Variants in MPZL3 observed in about 807,000 individuals in gnomAD.
MPZL3 encodes the protein myelin protein zero like 3.
A neutral mutation model predicts 24.8 loss-of-function variants in MPZL3; 23 were observed. The observed-to-expected ratio is 0.93, with a 90% CI of 0.67 to 1.31. The LOEUF (loss-of-function observed/expected upper bound fraction) is 1.31, where lower values mean the gene tolerates loss of function less well. MPZL3 is among the 40% of genes most tolerant of loss of function. The probability of loss-of-function intolerance (pLI) is 0.00; values close to 1 mark genes in which losing one functional copy is unlikely to be tolerated. For synonymous variants in MPZL3, 99 were observed against 106.5 expected (o/e 0.93, Z 0.44); for missense variants, 277 against 294.9 (o/e 0.94, Z 0.44).
intron 1 of MPZL3, among the ~76,000 whole-genome samples, chr11:118,246,585 C>CTTTTTTTTTTTTTTTTTTTTTTTT (rs71301655): frequency 1.6e-5 from 2 of 123,282 alleles, no homozygotes; most frequent in African/African-American, 6.5e-5. Context: ...TTTTTCTTTT[C>CTTTTTTTTTTTTTTTTTTTTTTTT]TTTTTTTTTT....
rs747927375 is a variant in MPZL3 at position 118,235,525 on chromosome 11, C to A, written c.516G>T (p.Val172=). 6.2e-7 allele frequency: 1 copy of A among 1,613,970 alleles called. No individual in the cohort carries two copies. Among genetic ancestry groups the A allele is most frequent in the Non-Finnish European group, 8.5e-7 (1 of 1,179,946 alleles). Residue 172 remains valine (V), a synonymous_variant, in exon 4 of 6, where the codon GTG becomes GTT. Transcript: ENST00000278949. ...TTCTCACCAGCAGCAGAGCAACCAC[C>A]ACGGCTGAGGGCACAAAGACAAGGA... ...LSILVFVPSA[V]VVALLLVRMG...
chr11:118,239,723 T>A (rs1949469674), intron 2 of MPZL3, among the ~76,000 whole-genome samples: 1 of 152,170 alleles, frequency 6.6e-6, no homozygotes, highest in Admixed American at 6.5e-5. Flanking sequence ...TATAAATCAA[T>A]GCAGATGTTT....
intron 1 of MPZL3, 55 bp downstream of exon 1, chr11:118,252,167 C>G: frequency 1.3e-6 from 2 of 1,589,150 alleles, no homozygotes; most frequent in Non-Finnish European, 1.7e-6. Context: ...GGAAAAGCGA[C>G]CATCTTCCCT....
At chr11:118,232,827 A>G (rs10790246) in intron 5 of MPZL3, among the ~76,000 whole-genome samples, 2 of 151,948 alleles carry the variant, frequency 1.3e-5, no homozygotes, top group African/African-American at 4.8e-5. Flanking sequence ...GGTATGTATC[A>G]TATGAGATCA....
rs1949275915 is a variant in MPZL3, at chr11:118,226,707, G to A, written c.*3187C>T. 1 of 152,158 alleles carries A rather than the reference G, an allele frequency of 6.6e-6. No homozygotes were observed. 9.4% of individuals were successfully genotyped at this position (152,158 alleles called of 1,614,324 possible). The stretch of plus-strand genomic sequence containing the variant: ...CCAAAAGGTAGCCAAAGGGTACAAA[G>A]AAGTTTATTGACTATGATGCAGTAA... On this transcript the variant is annotated 3_prime_UTR_variant, in exon 6 of 6. Coordinates refer to ENST00000278949, the MANE Select transcript of MPZL3 (RefSeq NM_198275.3).
At chr11:118,243,200 G>A (rs958821760) in intron 1 of MPZL3, among the ~76,000 whole-genome samples, 2 of 152,104 alleles carry the variant, frequency 1.3e-5, no homozygotes, top group Non-Finnish European at 1.5e-5. Flanking sequence ...ACGTTTAACT[G>A]GCCTTGCTTA....
Position 118,229,924 on chromosome 11 carries a change from G to C in MPZL3, c.682-4C>G, listed in dbSNP as rs1949328802. 1.2e-6 allele frequency: 2 copies of C among 1,612,986 alleles called. No homozygotes were observed. Among genetic ancestry groups the C allele is most frequent in the African/African-American group, 2.7e-5 (2 of 74,972 alleles). ...ATGTCTCTTCATAGTCTGAATCCTG[G>C]AGGGAGCAAAACAGCAGGTGTGAAA... On this transcript the variant is annotated splice_polypyrimidine_tract_variant and splice_region_variant and intron_variant, in intron 5 of 5. Transcript: ENST00000278949.
At chr11:118,247,146 C>T (rs1482488573) in intron 1 of MPZL3, among the ~76,000 whole-genome samples, 4 of 152,092 alleles carry the variant, frequency 2.6e-5, no homozygotes, top group African/African-American at 9.7e-5. Context: ...CAATGCCTCC[C>T]GTTGGCCAAA....
intron 1 of MPZL3, among the ~76,000 whole-genome samples, chr11:118,242,673 C>G (rs572508818): frequency 8.5e-5 from 13 of 152,340 alleles, no homozygotes; most frequent in African/African-American, 3.1e-4. Flanking sequence ...TTGTTCCCCA[C>G]CACACCATAT....
rs1449442412 is a variant in MPZL3 at position 118,239,302 on chromosome 11, G to T, written c.240+909C>A. On this transcript the variant is annotated intron_variant, in intron 2 of 5. Transcript: ENST00000278949. ...GAATACAGCCTAGCTTCTTTCACTGGAGTCCCCTACCTAGCCTCAAGCTAT... is the reference window on the plus strand; with the variant it reads ...GAATACAGCCTAGCTTCTTTCACTGTAGTCCCCTACCTAGCCTCAAGCTAT... Among the ~76,000 whole-genome samples the T allele has an allele frequency of 2.0e-5, 3 of 152,128 alleles. No homozygotes were observed. The East Asian group carries it at 5.8e-4, about 29-fold the overall frequency.
chr11:118,235,956 G>A (rs1006747377), intron 3 of MPZL3, among the ~76,000 whole-genome samples: 9 of 151,894 alleles, frequency 5.9e-5, no homozygotes, highest in Admixed American at 3.9e-4. Context: ...ATGTGTAATC[G>A]CTGCATAGCA....
At chr11:118,230,332 T>C (rs1949334608) in intron 5 of MPZL3, among the ~76,000 whole-genome samples, 1 of 152,218 alleles carries the variant, frequency 6.6e-6, no homozygotes, top group Non-Finnish European at 1.5e-5. Context: ...CCACCTCTTG[T>C]GGCTGTGTGA....
At chr11:118,243,494 C>A (rs1263451908) in intron 1 of MPZL3, among the ~76,000 whole-genome samples, 1 of 152,178 alleles carries the variant, frequency 6.6e-6, no homozygotes, top group Non-Finnish European at 1.5e-5. Context: ...CTAGGCCAGG[C>A]GTGGTGGCTC....
At chr11:118,233,411 C>T in intron 5 of MPZL3, 49 bp downstream of exon 5, 2 of 1,595,220 alleles carry the variant, frequency 1.3e-6, no homozygotes, top group Non-Finnish European at 1.7e-6. Flanking sequence ...CTTAGGTAAG[C>T]AGGAAAGTGG....
rs778744815 is a variant in MPZL3, at chr11:118,237,171, A to G, written c.330T>C (p.Asp110=). The part of the protein sequence containing the change: ...ISWVGNVYKG[D]ASISISNPTI... ...TAGGGTTGCTTATACTTATAGATGCATCCCCTTTGTATACATTTCCAACCC... is the reference window on the plus strand; with the variant it reads ...TAGGGTTGCTTATACTTATAGATGCGTCCCCTTTGTATACATTTCCAACCC... Residue 110 remains aspartate (D), a synonymous_variant, in exon 3 of 6, where the codon GAT becomes GAC. Transcript: ENST00000278949. 2.5e-6 allele frequency: 4 copies of G among 1,614,020 alleles called. No homozygotes were observed. The East Asian group carries it at 8.9e-5, about 36-fold the overall frequency.
intron 2 of MPZL3, among the ~76,000 whole-genome samples, chr11:118,239,032 T>C (rs1949460155): frequency 6.6e-6 from 1 of 152,232 alleles, no homozygotes; most frequent in Non-Finnish European, 1.5e-5. Context: ...ACTAACCCCA[T>C]GACTGCAACA....
At chr11:118,234,567 G>T (rs1949396263) in intron 4 of MPZL3, among the ~76,000 whole-genome samples, 1 of 152,168 alleles carries the variant, frequency 6.6e-6, no homozygotes, top group African/African-American at 2.4e-5. Context: ...GACGTGGGGA[G>T]ATGTCAGGGA....
At chr11:118,251,869 G>A (rs895427843) in intron 1 of MPZL3, among the ~76,000 whole-genome samples, 1 of 152,026 alleles carries the variant, frequency 6.6e-6, no homozygotes, top group African/African-American at 2.4e-5. Flanking sequence ...TTCTAATCAG[G>A]GTATACAGCG....
chr11:118,247,238 A>G (rs1949566582), intron 1 of MPZL3, among the ~76,000 whole-genome samples: 1 of 152,228 alleles, frequency 6.6e-6, no homozygotes, highest in Non-Finnish European at 1.5e-5. Context: ...AGAGAAAAGA[A>G]TGAGTCTGGT....
Sources: allele counts gnomAD v4.1 joint callset (sites outside exome capture counted in the v4.1 genomes callset), GRCh38; gene constraint gnomAD v4.1.1; transcripts MANE v1.5; gene names NCBI Gene and HGNC (gene_info 2026-07-23, HGNC 2026-07-21).